The following XKR6 variants were observed in gnomAD, a reference collection of about 807,000 sequenced individuals.
The protein encoded by XKR6 is XK related 6.
A neutral mutation model predicts 56.7 loss-of-function variants in XKR6; 22 were observed. That is an observed-to-expected ratio of 0.39 (90% CI 0.28 to 0.55). XKR6 has a LOEUF of 0.55. Ranked by LOEUF, XKR6 falls within the 20% of genes least tolerant of loss-of-function variation. XKR6 has a pLI of 0.66. For missense variants in XKR6, 852 were observed against 889.0 expected (o/e 0.96, Z 0.53); for synonymous variants, 524 against 387.8 (o/e 1.35, Z -4.13).
rs558437987 is a variant in XKR6, at chr8:11,156,380, A to G, written c.764+44196T>C. ...CCAATGTAAAACTATGTCTGAGAGC[A>G]TGCAACACATCCTATTCTATCTCCC... On this transcript the variant is annotated intron_variant, in intron 1 of 2. Coordinates refer to ENST00000416569, the MANE Select transcript of XKR6 (RefSeq NM_173683.4). 7.2e-5 allele frequency among the ~76,000 whole-genome samples: 11 copies of G among 152,330 alleles called. No homozygotes were observed. The South Asian group carries it at 2.3e-3, about 32-fold the overall frequency.
intron 2 of XKR6, among the ~76,000 whole-genome samples, chr8:10,918,453 T>C (rs1800623568): frequency 6.6e-6 from 1 of 152,200 alleles, no homozygotes; most frequent in Non-Finnish European, 1.5e-5. Flanking sequence ...GACTTGACAG[T>C]CCACATCCAT....
chr8:11,031,204 T>G (rs1798985442), intron 1 of XKR6, among the ~76,000 whole-genome samples: 1 of 152,124 alleles, frequency 6.6e-6, no homozygotes, highest in Non-Finnish European at 1.5e-5. Flanking sequence ...AATGCTTAGA[T>G]AAAGAGCGAG....
intron 1 of XKR6, among the ~76,000 whole-genome samples, chr8:11,099,708 G>C (rs2409697): frequency 3.9e-5 from 6 of 152,186 alleles, no homozygotes; most frequent in East Asian, 1.9e-4. Context: ...CATTGTTCTA[G>C]GTCTTGAAAA....
chr8:11,113,702 T>A (rs535990314), intron 1 of XKR6, among the ~76,000 whole-genome samples: 2 of 152,080 alleles, frequency 1.3e-5, no homozygotes, highest in South Asian at 4.2e-4. Flanking sequence ...ATGGCTCAGG[T>A]TTTTTCATAT....
chr8:11,086,987 G>C (rs967415235), intron 1 of XKR6, among the ~76,000 whole-genome samples: 1 of 152,182 alleles, frequency 6.6e-6, no homozygotes. Context: ...GCTGAGATGG[G>C]CCCCATGAAA....
chr8:10,919,796 C>T (rs1329428801), intron 2 of XKR6, among the ~76,000 whole-genome samples: 7 of 152,302 alleles, frequency 4.6e-5, no homozygotes, highest in African/African-American at 1.7e-4. Flanking sequence ...ACAAGACTCA[C>T]CACCGGCATA....
intron 1 of XKR6, among the ~76,000 whole-genome samples, chr8:10,964,944 C>A (rs1422939273): frequency 1.3e-5 from 2 of 152,260 alleles, no homozygotes; most frequent in African/African-American, 4.8e-5. Context: ...GAATCCACAT[C>A]CCCGTGCAGG....
intron 1 of XKR6, among the ~76,000 whole-genome samples, chr8:11,014,048 G>A (rs1335694796): frequency 5.9e-5 from 9 of 152,206 alleles, no homozygotes; most frequent in African/African-American, 2.2e-4. Context: ...GGATTTGTTA[G>A]GCTCTCTAGA....
At position 11,101,846 on chromosome 8, in the gene XKR6, G is replaced by C. The variant is rs115639314; in HGVS notation, c.764+98730C>G. ...GTCCTCCTAAGCCCTTTAGGGATGT[G>C]GCTCACCCTTTAAGGCCCCATCTAG... On this transcript the variant is annotated intron_variant, in intron 1 of 2. Transcript: ENST00000416569. Among the ~76,000 whole-genome samples, 168 of 152,212 alleles carry C rather than the reference G, an allele frequency of 1.1e-3. 1 individual carries two copies. Among genetic ancestry groups the C allele is most frequent in the African/African-American group, 4.0e-3 (166 of 41,530 alleles).
chr8:11,097,314 C>A (rs544076887), intron 1 of XKR6, among the ~76,000 whole-genome samples: 4 of 152,112 alleles, frequency 2.6e-5, no homozygotes, highest in Non-Finnish European at 4.4e-5. Context: ...ATTCAGGATG[C>A]AATACTGCAG....
intron 1 of XKR6, among the ~76,000 whole-genome samples, chr8:10,975,641 T>A (rs1199463360): frequency 6.6e-6 from 1 of 152,186 alleles, no homozygotes; most frequent in African/African-American, 2.4e-5. Context: ...GAGACATCTG[T>A]CCCAGTGAGA....
chr8:10,934,532 A>G (rs368123752), intron 1 of XKR6, among the ~76,000 whole-genome samples: 3 of 129,292 alleles, frequency 2.3e-5, no homozygotes, highest in South Asian at 5.4e-4. Flanking sequence ...ATTGGCTGTG[A>G]GTTTGTCATA....
At chr8:10,911,703 T>C (rs1489996785) in intron 2 of XKR6, among the ~76,000 whole-genome samples, 1 of 148,250 alleles carries the variant, frequency 6.7e-6, no homozygotes, top group Non-Finnish European at 1.5e-5. Flanking sequence ...TATATACACA[T>C]GTAGAGAGAG....
intron 1 of XKR6, among the ~76,000 whole-genome samples, chr8:11,147,293 T>A (rs564414562): frequency 1.8e-4 from 28 of 152,026 alleles, no homozygotes; most frequent in African/African-American, 6.5e-4. Flanking sequence ...GAATAAAGAT[T>A]CCTCAAAAAT....
chr8:11,185,500 T>A (rs1287844383), intron 1 of XKR6, among the ~76,000 whole-genome samples: 1 of 152,224 alleles, frequency 6.6e-6, no homozygotes, highest in East Asian at 1.9e-4. Flanking sequence ...AGAGTAAATT[T>A]CTAAATGTAC....
At chr8:11,113,620 T>C (rs1453763373) in intron 1 of XKR6, among the ~76,000 whole-genome samples, 1 of 152,204 alleles carries the variant, frequency 6.6e-6, no homozygotes, top group African/African-American at 2.4e-5. Context: ...TAAAAACCTG[T>C]AAGTCTGGAT....
chr8:11,107,835 C>T (rs1415134469), intron 1 of XKR6: 1 of 158,484 alleles, frequency 6.3e-6, no homozygotes, highest in Non-Finnish European at 1.4e-5. Flanking sequence ...ATCTGTTTTA[C>T]AAGGTTATTT....
At chr8:10,972,320 A>G (rs1206507917) in intron 1 of XKR6, among the ~76,000 whole-genome samples, 1 of 152,226 alleles carries the variant, frequency 6.6e-6, no homozygotes, top group East Asian at 1.9e-4. Flanking sequence ...ATTACTGACC[A>G]TCGGCAATTA....
chr8:11,087,401 T>C (rs1244874606), intron 1 of XKR6, among the ~76,000 whole-genome samples: 1 of 152,202 alleles, frequency 6.6e-6, no homozygotes, highest in Admixed American at 6.5e-5. Context: ...AATTTGCTCA[T>C]GTCAATCTCA....
Sources: gnomAD v4.1 joint callset for allele counts (sites outside exome capture counted in the v4.1 genomes callset) on GRCh38, gnomAD v4.1.1 for gene constraint, MANE v1.5 for transcripts, NCBI Gene and HGNC (gene_info 2026-07-23, HGNC 2026-07-21) for gene names.